Variants in CTNNA2 observed in about 807,000 individuals in gnomAD.
The protein encoded by CTNNA2 is catenin alpha-2.
Under a neutral mutation model 101.0 loss-of-function variants are expected in CTNNA2, and 42 were observed. The observed-to-expected ratio is 0.42, with a 90% CI of 0.32 to 0.54. The LOEUF (loss-of-function observed/expected upper bound fraction) is 0.54, where lower values mean the gene tolerates loss of function less well. Ranked by LOEUF, CTNNA2 falls within the 20% of genes least tolerant of loss-of-function variation. The probability of loss-of-function intolerance (pLI) is 0.14; values close to 1 mark genes in which losing one functional copy is unlikely to be tolerated. For missense variants in CTNNA2, 871 were observed against 1,223.1 expected, an observed-to-expected ratio of 0.71 and a Z score of 4.29; for synonymous variants, 450 against 456.4, an observed-to-expected ratio of 0.99 and a Z score of 0.18.
chr2:79,413,859 G>A (rs779386848), intron 4 of CTNNA2, among the ~76,000 whole-genome samples: 6 of 146,436 alleles, frequency 4.1e-5, no homozygotes, highest in Non-Finnish European at 6.0e-5. Flanking sequence ...CCATTTGTAT[G>A]TCTTTTTTGA....
intron 7 of CTNNA2, among the ~76,000 whole-genome samples, chr2:80,199,900 A>G (rs751495010): frequency 5.3e-5 from 8 of 152,224 alleles, no homozygotes; most frequent in South Asian, 4.1e-4. Context: ...AGATCTGCCT[A>G]TGTCCTGTTC....
intron 7 of CTNNA2, among the ~76,000 whole-genome samples, chr2:79,919,519 G>A (rs565608594): frequency 1.3e-5 from 2 of 152,260 alleles, no homozygotes; most frequent in South Asian, 4.2e-4. Context: ...TGAGATTGTT[G>A]ACAGAGCTGA....
chr2:80,064,652 A>G (rs1278704992), intron 7 of CTNNA2, among the ~76,000 whole-genome samples: 2 of 152,166 alleles, frequency 1.3e-5, no homozygotes, highest in Non-Finnish European at 1.5e-5. Flanking sequence ...TTTCTCCTCC[A>G]TGTGGTTTCC....
intron 7 of CTNNA2, among the ~76,000 whole-genome samples, chr2:80,179,880 T>C (rs976437648): frequency 1.3e-5 from 2 of 152,230 alleles, no homozygotes; most frequent in Admixed American, 6.5e-5. Context: ...TAAGTATGTC[T>C]ATGCCAATTA....
chr2:80,340,076 T>C (rs1672096755), intron 7 of CTNNA2, among the ~76,000 whole-genome samples: 1 of 152,190 alleles, frequency 6.6e-6, no homozygotes, highest in African/African-American at 2.4e-5. Context: ...ATAAGATTTA[T>C]TTTTCTTCTT....
Position 79,529,159 on chromosome 2 carries a change from C to T in CTNNA2, c.-6+15952C>T, listed in dbSNP as rs956610488. Among the ~76,000 whole-genome samples, 18 of 152,120 alleles carry T rather than the reference C, an allele frequency of 1.2e-4. No individual in the cohort carries two copies. The East Asian group carries it at 3.5e-3, about 29-fold the overall frequency. On this transcript the variant is annotated intron_variant, in intron 1 of 18. Coordinates refer to ENST00000402739, the MANE Select transcript of CTNNA2 (RefSeq NM_001282597.3). ...GGAATGTCAGTGTAAATTTAAGGCT[C>T]AACAAATCATACAGTTGCCAGAGTG...
chr2:80,042,462 G>A (rs138614031), intron 7 of CTNNA2, among the ~76,000 whole-genome samples: 1 of 152,198 alleles, frequency 6.6e-6, no homozygotes, highest in African/African-American at 2.4e-5. Flanking sequence ...AAGAAACATC[G>A]AAGGTGAGAG....
At chr2:79,853,690 T>C (rs1680906251) in intron 3 of CTNNA2, among the ~76,000 whole-genome samples, 3 of 145,928 alleles carry the variant, frequency 2.1e-5, no homozygotes, top group African/African-American at 7.6e-5. Context: ...TTTTTTGAGA[T>C]GGAATTTCAC....
At chr2:79,570,730 A>C (rs997291963) in intron 1 of CTNNA2, among the ~76,000 whole-genome samples, 2 of 152,210 alleles carry the variant, frequency 1.3e-5, no homozygotes, top group African/African-American at 4.8e-5. Context: ...TAAATTAAAA[A>C]AAGAAAACAG....
intron 4 of CTNNA2, among the ~76,000 whole-genome samples, chr2:79,397,741 C>G (rs1049391879): frequency 1.3e-5 from 2 of 151,986 alleles, no homozygotes; most frequent in African/African-American, 4.8e-5. Context: ...ATAGCTCACT[C>G]TAACCTCAAA....
At chr2:80,569,974 A>C (rs141132436) in intron 12 of CTNNA2, among the ~76,000 whole-genome samples, 1 of 152,090 alleles carries the variant, frequency 6.6e-6, no homozygotes, top group East Asian at 1.9e-4. Context: ...AGTATTAGAA[A>C]AATTAATAGT....
chr2:79,299,268 G>A (rs1676051896), intron 2 of CTNNA2, among the ~76,000 whole-genome samples: 1 of 152,094 alleles, frequency 6.6e-6, no homozygotes, highest in African/African-American at 2.4e-5. Flanking sequence ...AGATTTATTT[G>A]GATGTCTTCT....
chr2:79,921,047 T>G (rs1686617406), intron 7 of CTNNA2, among the ~76,000 whole-genome samples: 1 of 152,154 alleles, frequency 6.6e-6, no homozygotes, highest in African/African-American at 2.4e-5. Flanking sequence ...CAAAATAATT[T>G]GCATATGTAC....
intron 7 of CTNNA2, among the ~76,000 whole-genome samples, chr2:80,138,361 C>T (rs748554762): frequency 6.6e-6 from 1 of 152,160 alleles, no homozygotes; most frequent in Non-Finnish European, 1.5e-5. Flanking sequence ...AGGCTAGTTA[C>T]ATAGCCTATC....
At chr2:79,410,712 T>C (rs868850411) in intron 4 of CTNNA2, among the ~76,000 whole-genome samples, 11 of 149,510 alleles carry the variant, frequency 7.4e-5, no homozygotes, top group Middle Eastern at 6.9e-3. Context: ...CAGTATTTTA[T>C]TGAGGATTTT....
At chr2:79,377,028 A>G (rs1677986241) in intron 4 of CTNNA2, among the ~76,000 whole-genome samples, 1 of 150,684 alleles carries the variant, frequency 6.6e-6, no homozygotes, top group Admixed American at 6.6e-5. Context: ...GTCAAATGGT[A>G]TTTCTAGTTC....
At chr2:79,937,837 C>T (rs1687891243) in intron 7 of CTNNA2, among the ~76,000 whole-genome samples, 2 of 152,048 alleles carry the variant, frequency 1.3e-5, no homozygotes. Context: ...GCTTAATGTC[C>T]CATCCTGGTT....
chr2:80,042,784 C>G (rs1445378578), intron 7 of CTNNA2, among the ~76,000 whole-genome samples: 1 of 152,210 alleles, frequency 6.6e-6, no homozygotes, highest in Non-Finnish European at 1.5e-5. Flanking sequence ...TTGTTACAGA[C>G]TTAAGCTGTT....
intron 7 of CTNNA2, among the ~76,000 whole-genome samples, chr2:80,134,693 C>G (rs1431771352): frequency 6.6e-6 from 1 of 152,172 alleles, no homozygotes; most frequent in Non-Finnish European, 1.5e-5. Flanking sequence ...AAGCCACCAC[C>G]CCTGTTCTGC....
Sources: gnomAD v4.1 joint callset for allele counts (sites outside exome capture counted in the v4.1 genomes callset) on GRCh38, gnomAD v4.1.1 for gene constraint, MANE v1.5 for transcripts, NCBI Gene and HGNC (gene_info 2026-07-23, HGNC 2026-07-21) for gene names.